MNAT1: variants seen among roughly 807,000 people sequenced by gnomAD.
MNAT1 encodes MNAT1 component of CDK activating kinase, also known as CDK-activating kinase assembly factor MAT1.
In MNAT1, 43 loss-of-function variants were observed where a neutral mutation model predicts 42.0. That is an observed-to-expected ratio of 1.02 (90% CI 0.80 to 1.32). The LOEUF is 1.32. Among genes scored for constraint, MNAT1 ranks in the 40% most tolerant of loss-of-function variants. MNAT1 has a pLI of 0.00. For synonymous variants in MNAT1, 118 were observed against 120.0 expected (o/e 0.98, Z 0.11); for missense variants, 306 against 350.4 (o/e 0.87, Z 1.01).
intron 6 of MNAT1, among the ~76,000 whole-genome samples, chr14:60,861,580 G>C (rs1039450588): frequency 1.5e-4 from 22 of 148,654 alleles, no homozygotes; most frequent in African/African-American, 4.5e-4. Flanking sequence ...AATTTGAAAA[G>C]GTCTACAGGC....
chr14:60,848,487 T>G (rs772897804), intron 6 of MNAT1, among the ~76,000 whole-genome samples: 30 of 152,312 alleles, frequency 2.0e-4, no homozygotes, highest in Non-Finnish European at 3.7e-4. Flanking sequence ...TTTATATGAT[T>G]CCCTCAAGTT....
intron 7 of MNAT1, among the ~76,000 whole-genome samples, chr14:60,914,131 A>G (rs6573344): frequency 0.94 from 143,266 of 152,132 alleles, 67,775 homozygotes; most frequent in Non-Finnish European, 0.99. Flanking sequence ...AGCCTGGTGC[A>G]GGATATAATC....
At chr14:60,799,715 T>C (rs1054248539) in intron 3 of MNAT1, among the ~76,000 whole-genome samples, 73 of 151,358 alleles carry the variant, frequency 4.8e-4, no homozygotes, top group African/African-American at 1.3e-3. Flanking sequence ...TATATATATA[T>C]ACACACACAC....
At chr14:60,768,968 T>G (rs1328513480) in intron 1 of MNAT1, among the ~76,000 whole-genome samples, 1 of 152,254 alleles carries the variant, frequency 6.6e-6, no homozygotes, top group African/African-American at 2.4e-5. Context: ...ATTTTTAAGT[T>G]ATTTTTTTGC....
At chr14:60,789,326 A>G (rs549592602) in intron 1 of MNAT1, among the ~76,000 whole-genome samples, 2 of 152,228 alleles carry the variant, frequency 1.3e-5, no homozygotes, top group Admixed American at 1.3e-4. Context: ...ACCAAAGATC[A>G]CTGATCACAT....
At chr14:60,737,648 G>C (rs1896343147) in intron 1 of MNAT1, among the ~76,000 whole-genome samples, 1 of 151,984 alleles carries the variant, frequency 6.6e-6, no homozygotes, top group Non-Finnish European at 1.5e-5. Context: ...AGATATAACA[G>C]GTAAAAATCA....
intron 6 of MNAT1, among the ~76,000 whole-genome samples, chr14:60,833,206 A>G (rs1421812101): frequency 2.6e-5 from 4 of 152,198 alleles, no homozygotes; most frequent in African/African-American, 9.7e-5. Context: ...CAGAACTACC[A>G]GTACTATGTT....
chr14:60,908,479 G>A (rs1208786030), intron 7 of MNAT1, among the ~76,000 whole-genome samples: 1 of 91,748 alleles, frequency 1.1e-5, no homozygotes. Flanking sequence ...CCAACCCCCC[G>A]ACCCCACAAC....
intron 7 of MNAT1, among the ~76,000 whole-genome samples, chr14:60,928,341 T>C (rs2035807878): frequency 6.6e-6 from 1 of 152,164 alleles, no homozygotes; most frequent in Admixed American, 6.5e-5. Context: ...ATTCATACTG[T>C]TTGCATGTAT....
At chr14:60,746,624 G>T (rs1043677173) in intron 1 of MNAT1, among the ~76,000 whole-genome samples, 1 of 150,966 alleles carries the variant, frequency 6.6e-6, no homozygotes, top group East Asian at 1.9e-4. Context: ...CCAGTATGAG[G>T]GATGGTGCTG....
chr14:60,846,639 T>C (rs2033690214), intron 6 of MNAT1, among the ~76,000 whole-genome samples: 1 of 152,218 alleles, frequency 6.6e-6, no homozygotes, highest in South Asian at 2.1e-4. Context: ...AATTTTTTCT[T>C]GTGATTTCTT....
intron 6 of MNAT1, among the ~76,000 whole-genome samples, chr14:60,862,723 TTTTATC>T (rs1396446587): frequency 6.6e-6 from 1 of 152,206 alleles, no homozygotes; most frequent in African/African-American, 2.4e-5. Flanking sequence ...TCAAATATAT[TTTTATC>T]TTTATCTACA....
chr14:60,809,994 G>T (rs954753126), intron 4 of MNAT1, among the ~76,000 whole-genome samples: 1 of 152,028 alleles, frequency 6.6e-6, no homozygotes, highest in Non-Finnish European at 1.5e-5. Context: ...CTGTTAGGAG[G>T]TGTGATTACT....
chr14:60,815,730 A>G (rs973923939), intron 5 of MNAT1, among the ~76,000 whole-genome samples: 2 of 152,130 alleles, frequency 1.3e-5, no homozygotes, highest in Non-Finnish European at 2.9e-5. Flanking sequence ...TACTTTCCTC[A>G]GTGTTTAGAT....
chr14:60,944,213 A>G (rs1000309033), intron 7 of MNAT1, among the ~76,000 whole-genome samples: 2 of 152,200 alleles, frequency 1.3e-5, no homozygotes, highest in Non-Finnish European at 2.9e-5. Flanking sequence ...TACCCTGAAG[A>G]AAATGACAAA....
intron 6 of MNAT1, among the ~76,000 whole-genome samples, chr14:60,843,336 C>G (rs990654075): frequency 3.3e-5 from 5 of 151,894 alleles, no homozygotes; most frequent in African/African-American, 9.7e-5. Flanking sequence ...AGTGGCGCGA[C>G]CTCAGCTCAC....
chr14:60,798,004 T>C, intron 2 of MNAT1, 83 bp from the exon 3 acceptor site: 1 of 655,386 alleles, frequency 1.5e-6, no homozygotes, highest in South Asian at 1.8e-5. Flanking sequence ...CATATATGAA[T>C]TAGGTCAGAA....
In MNAT1 at chr14:60,917,201, G is replaced by A. The variant is rs145171876; in HGVS notation, c.809+37366G>A. ...AAATTATGTATGAGCAGAGGTTGGC[G>A]TAGCCTCAGGCAAATGGAGAGGTCC... On this transcript the variant is annotated intron_variant, in intron 7 of 7. Coordinates refer to ENST00000261245, the MANE Select transcript of MNAT1 (RefSeq NM_002431.4). 2.2e-3 allele frequency among the ~76,000 whole-genome samples: 332 copies of A among 152,266 alleles called. 1 individual carries two copies. The highest frequency in any genetic ancestry group is 6.6e-3 in the African/African-American group (275 of 41,550).
intron 7 of MNAT1, among the ~76,000 whole-genome samples, chr14:60,883,117 C>T (rs1034001488): frequency 6.6e-6 from 1 of 151,992 alleles, no homozygotes; most frequent in Non-Finnish European, 1.5e-5. Context: ...GCTTTAGTTG[C>T]CTGTGCTTGT....
Sources: allele counts gnomAD v4.1 joint callset (sites outside exome capture counted in the v4.1 genomes callset), GRCh38; gene constraint gnomAD v4.1.1; transcripts MANE v1.5; gene names NCBI Gene and HGNC (gene_info 2026-07-23, HGNC 2026-07-21).